Variants in DLG2 observed in about 807,000 individuals in gnomAD.
The protein encoded by DLG2 is discs large MAGUK scaffold protein 2, also known as disks large homolog 2.
DLG2 carries 45 observed loss-of-function variants against 132.5 expected under a neutral mutation model. The ratio of observed to expected loss-of-function variants is 0.34; its 90% CI spans 0.27 to 0.44. DLG2 has a LOEUF of 0.44. Ranked by LOEUF, DLG2 falls within the 20% of genes least tolerant of loss-of-function variation. DLG2 has a pLI of 1.00. For synonymous variants in DLG2, 424 were observed against 419.6 expected (o/e 1.01, Z -0.13); for missense variants, 1,045 against 1,196.9 (o/e 0.87, Z 1.87).
intron 18 of DLG2, among the ~76,000 whole-genome samples, chr11:83,636,879 A>C (rs542767594): frequency 1.3e-5 from 2 of 152,266 alleles, no homozygotes; most frequent in Admixed American, 1.3e-4. Flanking sequence ...TCCTGTTTTC[A>C]TCTTTCCTAC....
chr11:84,514,678 G>T (rs1281418708), intron 7 of DLG2, among the ~76,000 whole-genome samples: 1 of 151,798 alleles, frequency 6.6e-6, no homozygotes, highest in East Asian at 1.9e-4. Flanking sequence ...AGGGGTGGGG[G>T]TGAGGAGGAG....
chr11:85,597,726 T>C (rs1029753329), intron 3 of DLG2, among the ~76,000 whole-genome samples: 1 of 151,602 alleles, frequency 6.6e-6, no homozygotes, highest in Non-Finnish European at 1.5e-5. Context: ...AATTAAGCCT[T>C]ATAAGTTCCT....
At chr11:83,688,059 G>C (rs1484574415) in intron 18 of DLG2, among the ~76,000 whole-genome samples, 3 of 151,608 alleles carry the variant, frequency 2.0e-5, no homozygotes, top group Non-Finnish European at 4.4e-5. Context: ...TAACACACTT[G>C]GTAGAGAGAA....
At chr11:83,692,032 G>A (rs1018432803) in intron 18 of DLG2, 40 of 152,178 alleles carry the variant, frequency 2.6e-4, no homozygotes, top group African/African-American at 9.7e-4. Context: ...TAAAGATGCT[G>A]GGACTCAAGA....
At chr11:85,497,688 G>C (rs2153118316) in intron 3 of DLG2, among the ~76,000 whole-genome samples, 1 of 152,238 alleles carries the variant, frequency 6.6e-6, no homozygotes. Flanking sequence ...AGAAAGGTCA[G>C]GTTACCCACA....
At chr11:84,562,749 CTTTT>C (rs1307584790) in intron 6 of DLG2, among the ~76,000 whole-genome samples, 1 of 144,010 alleles carries the variant, frequency 6.9e-6, no homozygotes, top group South Asian at 2.2e-4. Flanking sequence ...TTCTTTCTTT[CTTTT>C]TTTTTTTTTC....
chr11:84,940,279 T>A (rs2049239928), intron 6 of DLG2, among the ~76,000 whole-genome samples: 1 of 152,178 alleles, frequency 6.6e-6, no homozygotes, highest in Non-Finnish European at 1.5e-5. Context: ...GCCTCCTGAG[T>A]AGCTGGGACT....
Position 84,588,731 on chromosome 11 carries a change from G to A in DLG2, c.358-54000C>T, listed in dbSNP as rs946855642. 1.2e-4 allele frequency among the ~76,000 whole-genome samples: 18 copies of A among 150,148 alleles called. No individual in the cohort carries two copies. In the Admixed American group the frequency reaches 1.2e-3, roughly 10 times the overall value. On this transcript the variant is annotated intron_variant, in intron 6 of 27. Coordinates refer to ENST00000376104, the MANE Select transcript of DLG2 (RefSeq NM_001142699.3). ...TGATAAGACAGGTTGCAATAAAGAA[G>A]CCGGCCAAAACCCATCAAAACCAAG...
intron 6 of DLG2, among the ~76,000 whole-genome samples, chr11:84,792,555 G>GT (rs759553821): frequency 2.0e-5 from 3 of 151,936 alleles, no homozygotes; most frequent in Non-Finnish European, 4.4e-5. Flanking sequence ...TGGGTACCAG[G>GT]TTTTTCTTTA....
intron 11 of DLG2, among the ~76,000 whole-genome samples, chr11:84,039,078 C>T (rs557799655): frequency 8.2e-4 from 124 of 151,930 alleles, no homozygotes; most frequent in Non-Finnish European, 1.4e-3. Flanking sequence ...TTACGCATAC[C>T]GCCCACAATG....
At chr11:84,872,713 T>C (rs187697742) in intron 6 of DLG2, among the ~76,000 whole-genome samples, 1 of 152,218 alleles carries the variant, frequency 6.6e-6, no homozygotes, top group African/African-American at 2.4e-5. Flanking sequence ...AGGAAAACCA[T>C]AGTCTCACAT....
chr11:84,552,619 T>C (rs761340909), intron 6 of DLG2, among the ~76,000 whole-genome samples: 1 of 152,218 alleles, frequency 6.6e-6, no homozygotes, highest in Non-Finnish European at 1.5e-5. Context: ...TTTGTCTGTT[T>C]ATTTAATTGT....
chr11:85,315,594 C>G (rs2080608259), intron 3 of DLG2, among the ~76,000 whole-genome samples: 1 of 151,992 alleles, frequency 6.6e-6, no homozygotes, highest in Non-Finnish European at 1.5e-5. Flanking sequence ...CAGGGAGCAA[C>G]AGTGAACATC....
chr11:84,276,607 CT>C (rs1341778423), intron 7 of DLG2, among the ~76,000 whole-genome samples: 3 of 152,194 alleles, frequency 2.0e-5, no homozygotes, highest in Admixed American at 6.5e-5. Flanking sequence ...TATTTTCTTC[CT>C]GTTAGCACGA....
chr11:84,792,276 T>C (rs2073963795), intron 6 of DLG2, among the ~76,000 whole-genome samples: 1 of 152,210 alleles, frequency 6.6e-6, no homozygotes, highest in Non-Finnish European at 1.5e-5. Context: ...GTCACTGGGA[T>C]AAATCCCACT....
At chr11:85,619,658 ATCCCC>A (rs990459185) in intron 2 of DLG2, among the ~76,000 whole-genome samples, 3 of 152,092 alleles carry the variant, frequency 2.0e-5, no homozygotes, top group African/African-American at 7.2e-5. Context: ...ACATGGTGAA[ATCCCC>A]TCTCTTCCAA....
intron 6 of DLG2, among the ~76,000 whole-genome samples, chr11:84,874,503 A>G (rs1433859371): frequency 1.3e-5 from 2 of 152,188 alleles, no homozygotes; most frequent in East Asian, 1.9e-4. Flanking sequence ...GGCTATCATT[A>G]AAGGTTATGA....
intron 3 of DLG2, among the ~76,000 whole-genome samples, chr11:85,298,943 G>A (rs1213375359): frequency 3.3e-5 from 5 of 151,934 alleles, no homozygotes; most frequent in African/African-American, 1.2e-4. Flanking sequence ...AAAATTTAAT[G>A]CCCTAAAAAT....
At chr11:85,454,892 T>C (rs1377760281) in intron 3 of DLG2, among the ~76,000 whole-genome samples, 2 of 152,256 alleles carry the variant, frequency 1.3e-5, no homozygotes, top group Middle Eastern at 3.4e-3. Flanking sequence ...GGTCTATGTG[T>C]CTGTTTTCGT....
Sources: gnomAD v4.1 joint callset for allele counts (sites outside exome capture counted in the v4.1 genomes callset) on GRCh38, gnomAD v4.1.1 for gene constraint, MANE v1.5 for transcripts, NCBI Gene and HGNC (gene_info 2026-07-23, HGNC 2026-07-21) for gene names.